IKZF2: variants seen among roughly 807,000 people sequenced by gnomAD.
IKZF2 encodes the protein zinc finger protein Helios.
IKZF2 carries 15 observed loss-of-function variants against 49.2 expected under a neutral mutation model. That is an observed-to-expected ratio of 0.30 (90% confidence interval 0.20 to 0.47). The LOEUF is 0.47. Among genes scored for constraint, IKZF2 ranks in the 20% least tolerant of loss-of-function variants. The probability of loss-of-function intolerance (pLI) is 1.00; values close to 1 mark genes in which losing one functional copy is unlikely to be tolerated. For missense variants in IKZF2, 567 were observed against 664.6 expected (o/e 0.85, Z 1.61); for synonymous variants, 227 against 221.4 (o/e 1.03, Z -0.23).
At chr2:213,053,990 C>T (rs773493305) in intron 5 of IKZF2, among the ~76,000 whole-genome samples, 5 of 152,078 alleles carry the variant, frequency 3.3e-5, no homozygotes, top group African/African-American at 9.7e-5. Flanking sequence ...CGGTGGCTCA[C>T]GCCTGTAATC....
At chr2:213,096,917 G>C (rs902326144) in intron 4 of IKZF2, among the ~76,000 whole-genome samples, 2 of 152,016 alleles carry the variant, frequency 1.3e-5, no homozygotes, top group Middle Eastern at 6.8e-3. Flanking sequence ...ATAATATGGT[G>C]AGTAAAACAT....
chr2:213,049,730 T>C lies in IKZF2; in HGVS notation c.557A>G (p.His186Arg). The change falls in exon 6 of 9, where the codon CAC becomes CGC. Residue 186 changes from histidine (H) to arginine (R), a missense_variant. This residue lies in a region of IKZF2 where 54 missense variants were observed against 119.9 expected (regional missense o/e 0.45). Coordinates refer to ENST00000434687, the MANE Select transcript of IKZF2 (RefSeq NM_001387220.1). The part of the protein sequence containing the change: ...ACRRRDALTG[H>R]LRTHSVGKPH... ...ACACTTACCAGAATGGGTCCTGAGGTGTCCTGTGAGGGCGTCCCTTCTTCT... is the reference window on the plus strand; with the variant it reads ...ACACTTACCAGAATGGGTCCTGAGGCGTCCTGTGAGGGCGTCCCTTCTTCT... The C allele has an allele frequency of 6.2e-7, 1 of 1,605,282 alleles. No individual in the cohort carries two copies. The highest frequency in any genetic ancestry group is 8.5e-7 in the Non-Finnish European group (1 of 1,174,820).
intron 1 of IKZF2, chr2:213,150,455 C>A: frequency 5.4e-6 from 1 of 185,398 alleles, no homozygotes; most frequent in South Asian, 7.3e-5. Context: ...AAGAACACCC[C>A]CCTCCTCCTC....
At chr2:213,027,552 T>C (rs1044092947) in intron 6 of IKZF2, among the ~76,000 whole-genome samples, 3 of 152,168 alleles carry the variant, frequency 2.0e-5, no homozygotes, top group Admixed American at 2.0e-4. Flanking sequence ...GGCACCCCTT[T>C]CTCCAGTTGG....
At chr2:213,091,593 GAAAT>G (rs1473296167) in intron 4 of IKZF2, among the ~76,000 whole-genome samples, 3 of 152,074 alleles carry the variant, frequency 2.0e-5, no homozygotes, top group Non-Finnish European at 2.9e-5. Context: ...TTTGATTCCA[GAAAT>G]CATCCGTCTG....
intron 4 of IKZF2, among the ~76,000 whole-genome samples, chr2:213,128,830 T>C: frequency 6.6e-6 from 1 of 150,470 alleles, no homozygotes; most frequent in Non-Finnish European, 1.5e-5. Context: ...TTTTGTATTT[T>C]TAGTAGAGAC....
At chr2:213,122,002 A>G (rs1341845613) in intron 4 of IKZF2, among the ~76,000 whole-genome samples, 1 of 152,226 alleles carries the variant, frequency 6.6e-6, no homozygotes, top group Admixed American at 6.5e-5. Context: ...GAAAATATTC[A>G]CATGATTTTA....
intron 6 of IKZF2, among the ~76,000 whole-genome samples, chr2:213,028,155 C>T (rs1698017659): frequency 6.6e-6 from 1 of 151,894 alleles, no homozygotes; most frequent in Non-Finnish European, 1.5e-5. Context: ...AAATATTATC[C>T]TTTCCCCCCT....
At chr2:213,086,549 C>G (rs1704621128) in intron 4 of IKZF2, among the ~76,000 whole-genome samples, 1 of 152,104 alleles carries the variant, frequency 6.6e-6, no homozygotes, top group African/African-American at 2.4e-5. Context: ...GATTATTTTT[C>G]ACACATAAAC....
chr2:213,087,804 A>C (rs1343943472), intron 4 of IKZF2, among the ~76,000 whole-genome samples: 2 of 152,172 alleles, frequency 1.3e-5, no homozygotes, highest in Non-Finnish European at 2.9e-5. Flanking sequence ...TTCCAGCTTC[A>C]TCCATGTCCC....
rs367730908 is a variant in IKZF2 at position 212,999,945 on chromosome 2, A to T, written c.*7415T>A. On this transcript the variant is annotated 3_prime_UTR_variant, in exon 9 of 9. Transcript: ENST00000434687. The stretch of plus-strand genomic sequence containing the variant: ...TACACACATACAGACACACACTCAC[A>T]CATGCATATACAACACTCATACACA... 4.6e-5 allele frequency: 7 copies of T among 152,140 alleles called. No homozygotes were observed. In the East Asian group the frequency reaches 1.4e-3, roughly 29 times the overall value. 9.4% of individuals were successfully genotyped at this position (152,140 alleles called of 1,614,324 possible). A position where few individuals can be genotyped will look rare whatever the true frequency, so the allele number is the denominator to read the frequency against.
At chr2:213,071,083 C>T (rs187429113) in intron 4 of IKZF2, among the ~76,000 whole-genome samples, 10 of 152,188 alleles carry the variant, frequency 6.6e-5, no homozygotes, top group African/African-American at 2.4e-4. Context: ...AGGACCACAT[C>T]ACAATGTTGA....
intron 8 of IKZF2, among the ~76,000 whole-genome samples, chr2:213,011,295 ATTTT>A (rs770356606): frequency 1.3e-5 from 2 of 151,982 alleles, no homozygotes; most frequent in African/African-American, 2.4e-5. Flanking sequence ...TTAAAGGAAG[ATTTT>A]TTTTAATTAT....
chr2:213,059,282 C>G (rs6737449), intron 4 of IKZF2, among the ~76,000 whole-genome samples: 37,505 of 151,392 alleles, frequency 0.25, 5,046 homozygotes, highest in Non-Finnish European at 0.28. Context: ...TTTATGATAT[C>G]TTTTGCAAAC....
At chr2:213,128,623 G>C (rs1409937108) in intron 4 of IKZF2, among the ~76,000 whole-genome samples, 1 of 151,506 alleles carries the variant, frequency 6.6e-6, no homozygotes, top group Non-Finnish European at 1.5e-5. Flanking sequence ...ATAAGGTTTT[G>C]TTGTTGTTGT....
chr2:213,009,705 G>A (rs187477335), intron 8 of IKZF2, among the ~76,000 whole-genome samples: 8 of 152,198 alleles, frequency 5.3e-5, no homozygotes, highest in African/African-American at 1.9e-4. Context: ...AGCAATTTAA[G>A]GATCATTTAC....
chr2:213,090,671 G>A (rs770776963), intron 4 of IKZF2, among the ~76,000 whole-genome samples: 2 of 152,146 alleles, frequency 1.3e-5, no homozygotes, highest in Non-Finnish European at 2.9e-5. Context: ...ATTGTGACTG[G>A]TGTCCTTACA....
chr2:213,047,374 T>A (rs1700248895), intron 6 of IKZF2, among the ~76,000 whole-genome samples: 1 of 151,494 alleles, frequency 6.6e-6, no homozygotes, highest in South Asian at 2.1e-4. Flanking sequence ...CTGGGAGGAG[T>A]TTGGGTGTGT....
intron 4 of IKZF2, among the ~76,000 whole-genome samples, chr2:213,099,951 T>C (rs1011778328): frequency 6.6e-6 from 1 of 152,132 alleles, no homozygotes; most frequent in Non-Finnish European, 1.5e-5. Flanking sequence ...GAATTGGCTT[T>C]CATTTTCATT....
Sources: gnomAD v4.1 joint callset for allele counts (sites outside exome capture counted in the v4.1 genomes callset) on GRCh38, gnomAD v4.1.1 for gene constraint, gnomAD v4.1.1 regional missense constraint, MANE v1.5 for transcripts, NCBI Gene and HGNC (gene_info 2026-07-23, HGNC 2026-07-21) for gene names.